EIF3H: variants seen among roughly 807,000 people sequenced by gnomAD.
EIF3H encodes the protein eIF-3-gamma.
Under a neutral mutation model 44.2 loss-of-function variants are expected in EIF3H, and 26 were observed. That is an observed-to-expected ratio of 0.59 (90% CI 0.43 to 0.82). The LOEUF is 0.82. EIF3H is among the 40% of genes least tolerant of loss of function. EIF3H has a pLI of 0.00. For missense variants in EIF3H, 359 were observed against 432.8 expected (o/e 0.83, Z 1.51); for synonymous variants, 166 against 151.9 (o/e 1.09, Z -0.68).
intron 1 of EIF3H, chr8:116,737,696 T>C (rs1815064857): frequency 6.5e-6 from 1 of 153,828 alleles, no homozygotes. Flanking sequence ...AAAAAATTAA[T>C]AGTAATAAAA....
intron 1 of EIF3H, among the ~76,000 whole-genome samples, chr8:116,732,664 CATT>C (rs1814971010): frequency 6.6e-6 from 1 of 151,914 alleles, no homozygotes; most frequent in Admixed American, 6.6e-5. Context: ...CTCATTCATT[CATT>C]CATTCATTCA....
chr8:116,705,098 A>G (rs1412994161), intron 2 of EIF3H, among the ~76,000 whole-genome samples: 1 of 152,248 alleles, frequency 6.6e-6, no homozygotes, highest in Non-Finnish European at 1.5e-5. Flanking sequence ...ATGTTCTTCA[A>G]CATCTAATTC....
chr8:116,694,346 A>G (rs141228328), intron 2 of EIF3H, among the ~76,000 whole-genome samples: 5 of 152,296 alleles, frequency 3.3e-5, no homozygotes, highest in African/African-American at 1.2e-4. Context: ...CATTTCTTTC[A>G]TTATGAATAA....
chr8:116,659,664 A>G (rs1813552070), intron 2 of EIF3H, among the ~76,000 whole-genome samples: 1 of 152,170 alleles, frequency 6.6e-6, no homozygotes, highest in African/African-American at 2.4e-5. Context: ...ATAGAATGAA[A>G]AGGTTTAGTG....
At chr8:116,671,608 G>A (rs751463968) in intron 2 of EIF3H, among the ~76,000 whole-genome samples, 4 of 152,156 alleles carry the variant, frequency 2.6e-5, no homozygotes, top group Non-Finnish European at 2.9e-5. Flanking sequence ...CCTTCTAGGC[G>A]CTGTCCAGCA....
intron 1 of EIF3H, among the ~76,000 whole-genome samples, chr8:116,760,988 A>C (rs1008210225): frequency 1.1e-4 from 16 of 152,364 alleles, no homozygotes; most frequent in African/African-American, 3.6e-4. Context: ...AATCTTCTAA[A>C]GTGCTTTGAT....
chr8:116,679,446 C>T (rs1813926647), intron 2 of EIF3H, among the ~76,000 whole-genome samples: 1 of 48,666 alleles, frequency 2.1e-5, no homozygotes, highest in African/African-American at 5.0e-5. Flanking sequence ...CCGCCCCGTC[C>T]GGGAGGTGAG....
intron 1 of EIF3H, among the ~76,000 whole-genome samples, chr8:116,727,875 T>G (rs1034826233): frequency 6.6e-6 from 1 of 152,172 alleles, no homozygotes; most frequent in Admixed American, 6.5e-5. Context: ...TAATGTGCTG[T>G]GGAAGATTGA....
At chr8:116,752,752 A>AGAGGGAGGGAGG (rs539328331) in intron 1 of EIF3H, among the ~76,000 whole-genome samples, 1 of 40,942 alleles carries the variant, frequency 2.4e-5, no homozygotes, top group East Asian at 5.9e-4. Context: ...AAAGAAAGAA[A>AGAGGGAGGGAGG]GAGGGAGGGA....
In EIF3H at chr8:116,755,799, T is replaced by G; in HGVS notation, c.-2A>C. On this transcript the variant is annotated 5_prime_UTR_variant, in exon 1 of 8. Coordinates refer to ENST00000521861, the MANE Select transcript of EIF3H (RefSeq NM_003756.3). ...GGTACCTTCCTTGCGGGACGCCATC[T>G]TTCCAAGCAGACAGGAAGAAAGAGA... 6.2e-7 allele frequency: 1 copy of G among 1,613,244 alleles called. No homozygotes were observed. The highest frequency in any genetic ancestry group is 1.3e-5 in the African/African-American group (1 of 75,032).
intron 2 of EIF3H, among the ~76,000 whole-genome samples, chr8:116,711,821 C>CTTT (rs1814576668): frequency 1.3e-5 from 2 of 152,154 alleles, no homozygotes; most frequent in Admixed American, 1.3e-4. Context: ...ACATAATGCA[C>CTTT]TAAAACAAGT....
chr8:116,735,866 G>A (rs1356779813), intron 1 of EIF3H, among the ~76,000 whole-genome samples: 2 of 151,512 alleles, frequency 1.3e-5, no homozygotes, highest in Admixed American at 6.6e-5. Flanking sequence ...TGGAGACCCC[G>A]AATAAACTGT....
At chr8:116,651,961 C>A (rs1405989359) in intron 5 of EIF3H, among the ~76,000 whole-genome samples, 1 of 151,898 alleles carries the variant, frequency 6.6e-6, no homozygotes, top group Non-Finnish European at 1.5e-5. Flanking sequence ...AGGAAAAGGT[C>A]AAAAAACAGG....
intron 1 of EIF3H, among the ~76,000 whole-genome samples, chr8:116,752,750 A>AAGG (rs1815374322): frequency 1.0e-5 from 1 of 95,880 alleles, no homozygotes; most frequent in African/African-American, 4.2e-5. Context: ...AGAAAGAAAG[A>AAGG]AAGAGGGAGG....
chr8:116,686,354 G>A (rs903994829), intron 2 of EIF3H, among the ~76,000 whole-genome samples: 2 of 152,012 alleles, frequency 1.3e-5, no homozygotes, highest in African/African-American at 4.8e-5. Flanking sequence ...GTGTGTCTGT[G>A]GATATCCTGA....
intron 1 of EIF3H, among the ~76,000 whole-genome samples, chr8:116,726,391 C>T (rs1471830665): frequency 6.6e-6 from 1 of 152,170 alleles, no homozygotes; most frequent in Non-Finnish European, 1.5e-5. Context: ...AGTTTGATTA[C>T]ATGTCAAAAA....
chr8:116,709,888 T>TC (rs1246219585), intron 2 of EIF3H, among the ~76,000 whole-genome samples: 1 of 152,214 alleles, frequency 6.6e-6, no homozygotes, highest in Non-Finnish European at 1.5e-5. Context: ...TACTGGTCTG[T>TC]CTCAGCCATA....
At chr8:116,726,432 C>A (rs541077811) in intron 1 of EIF3H, among the ~76,000 whole-genome samples, 13 of 152,300 alleles carry the variant, frequency 8.5e-5, no homozygotes, top group Non-Finnish European at 1.9e-4. Context: ...GCTCTTAAAT[C>A]AAAGCTTCCC....
At chr8:116,646,070 C>T (rs943621560) in intron 7 of EIF3H, among the ~76,000 whole-genome samples, 1 of 152,108 alleles carries the variant, frequency 6.6e-6, no homozygotes, top group African/African-American at 2.4e-5. Flanking sequence ...AATTTAAGTC[C>T]AAGTAAGGGA....
Sources: gnomAD v4.1 joint callset for allele counts (sites outside exome capture counted in the v4.1 genomes callset) on GRCh38, gnomAD v4.1.1 for gene constraint, MANE v1.5 for transcripts, NCBI Gene and HGNC (gene_info 2026-07-23, HGNC 2026-07-21) for gene names.